Variants in NGF observed in about 807,000 individuals in gnomAD.
NGF encodes the protein nerve growth factor.
In NGF, 4 loss-of-function variants were observed where a neutral mutation model predicts 12.8. The ratio of observed to expected loss-of-function variants is 0.31; its 90% confidence interval spans 0.15 to 0.72. The LOEUF is 0.72. Among genes scored for constraint, NGF ranks in the 30% least tolerant of loss-of-function variants. The probability of loss-of-function intolerance (pLI) is 0.69; values close to 1 mark genes in which losing one functional copy is unlikely to be tolerated. For missense variants in NGF, 283 were observed against 330.8 expected, an observed-to-expected ratio of 0.86 and a Z score of 1.12; for synonymous variants, 140 against 130.0, an observed-to-expected ratio of 1.08 and a Z score of -0.52.
chr1:115,337,287 T>G lies in NGF; in HGVS notation c.-137+917A>C, dbSNP rs1265165023. On this transcript the variant is annotated intron_variant, in intron 1 of 2. Coordinates refer to ENST00000369512, the MANE Select transcript of NGF (RefSeq NM_002506.3). The stretch of plus-strand genomic sequence containing the variant: ...TTTTTGTTTTTTTTTTTTTTTTTTT[T>G]TTTTTTTTTTTTTTTTTTAGAAGGA... 3.6e-3 allele frequency among the ~76,000 whole-genome samples: 484 copies of G among 133,374 alleles called. 34 individuals carry two copies. In the East Asian group the frequency reaches 0.073, roughly 20 times the overall value. 87.5% of individuals were successfully genotyped at this position (133,374 alleles called of 152,430 possible).
intron 1 of NGF, among the ~76,000 whole-genome samples, chr1:115,318,095 TC>T (rs1157102986): frequency 6.6e-6 from 1 of 152,152 alleles, no homozygotes; most frequent in African/African-American, 2.4e-5. Context: ...TCTTGGGGCC[TC>T]CCTTCCATGG....
At chr1:115,286,903 C>T in intron 2 of NGF, 96 bp from the exon 3 acceptor site, 3 of 1,456,118 alleles carry the variant, frequency 2.1e-6, no homozygotes, top group South Asian at 1.1e-5. Context: ...CCAAGGGGAT[C>T]ACGAAGAGGT....
rs201152024 is a variant in NGF, at chr1:115,286,240, C to T, written c.556G>A (p.Asp186Asn). The T allele has an allele frequency of 6.2e-7, 1 of 1,614,178 alleles. No homozygotes were observed. Among genetic ancestry groups the T allele is most frequent in the East Asian group, 2.2e-5 (1 of 44,864 alleles). The change falls in exon 3 of 3, where the codon GAC becomes AAC. Residue 186 changes from aspartate to asparagine, a missense_variant. Coordinates refer to ENST00000369512, the MANE Select transcript of NGF (RefSeq NM_002506.3). ...GAGTCAATGCCCCGGCACCCGCTGT[C>T]AACGGGATTTGGGTCCCGGCACTTG... ...ETKCRDPNPV[D>N]SGCRGIDSKH...
chr1:115,290,050 A>G (rs1419714162), intron 2 of NGF, among the ~76,000 whole-genome samples: 1 of 151,980 alleles, frequency 6.6e-6, no homozygotes, highest in African/African-American at 2.4e-5. Flanking sequence ...GCCTGCTCTG[A>G]TCATATCACC....
rs545923167 is a variant in NGF at position 115,329,011 on chromosome 1, T to C, written c.-137+9193A>G. On this transcript the variant is annotated intron_variant, in intron 1 of 2. Transcript: ENST00000369512. ...AACATTGTCAATAGTTCTGATGAGG[T>C]TGAGTAGTTACAATGAAGATAAGAA... Among the ~76,000 whole-genome samples, 6 of 151,588 alleles carry C rather than the reference T, an allele frequency of 4.0e-5. No homozygotes were observed. The South Asian group carries it at 1.0e-3, about 26-fold the overall frequency.
chr1:115,302,923 T>C (rs566579491), intron 1 of NGF, among the ~76,000 whole-genome samples: 83 of 152,362 alleles, frequency 5.4e-4, no homozygotes, highest in African/African-American at 2.0e-3. Flanking sequence ...CATCTCCCTG[T>C]ATTGTGTCCC....
intron 1 of NGF, among the ~76,000 whole-genome samples, chr1:115,331,734 C>A (rs1283159804): frequency 6.6e-6 from 1 of 152,220 alleles, no homozygotes; most frequent in African/African-American, 2.4e-5. Context: ...CCAGCAATCT[C>A]TGGCCTCAGC....
intron 2 of NGF, among the ~76,000 whole-genome samples, chr1:115,288,488 G>A (rs1653588256): frequency 6.6e-6 from 1 of 152,120 alleles, no homozygotes. Flanking sequence ...TTTGTCTTTT[G>A]TGCTTTCTAC....
intron 1 of NGF, among the ~76,000 whole-genome samples, chr1:115,300,287 G>A (rs1477073653): frequency 6.6e-6 from 1 of 152,130 alleles, no homozygotes; most frequent in Non-Finnish European, 1.5e-5. Flanking sequence ...ACTGACACAG[G>A]GGATTCTAGT....
chr1:115,288,255 C>A (rs1653579100), intron 2 of NGF, among the ~76,000 whole-genome samples: 1 of 152,132 alleles, frequency 6.6e-6, no homozygotes, highest in African/African-American at 2.4e-5. Flanking sequence ...AGTGTAATGA[C>A]AAGAACTCTG....
chr1:115,286,759 G>A lies in NGF; in HGVS notation c.37C>T (p.Leu13=). ...TGTGGTTCCGCCTGTATGCCGATCAGAAAAGCTGTGATCAGAGTGTAGAAC... is the reference window on the plus strand; with the variant it reads ...TGTGGTTCCGCCTGTATGCCGATCAAAAAAGCTGTGATCAGAGTGTAGAAC... ...MLFYTLITAF[L]IGIQAEPHSE... is the part of the protein sequence containing the mutation. The change falls in exon 3 of 3, where the codon CTG becomes TTG. Residue 13 remains leucine, a synonymous_variant. Coordinates refer to ENST00000369512, the MANE Select transcript of NGF (RefSeq NM_002506.3). The A allele has an allele frequency of 2.5e-6, 4 of 1,614,190 alleles. No individual in the cohort carries two copies. The highest frequency in any genetic ancestry group is 3.4e-6 in the Non-Finnish European group (4 of 1,180,042).
In NGF at chr1:115,303,461, C is replaced by T. The variant is rs373236790; in HGVS notation, c.-136-9711G>A. 7.8e-4 allele frequency among the ~76,000 whole-genome samples: 118 copies of T among 152,050 alleles called. No homozygotes were observed. In the South Asian group the frequency reaches 0.024, roughly 31 times the overall value. On this transcript the variant is annotated intron_variant, in intron 1 of 2. Transcript: ENST00000369512. ...TCCTCCAACACCATCATCACCACTA[C>T]TTTCTCCATCACCATCATCACCACT...
intron 1 of NGF, among the ~76,000 whole-genome samples, chr1:115,300,019 C>T (rs1372841472): frequency 2.6e-5 from 4 of 152,174 alleles, no homozygotes; most frequent in Middle Eastern, 3.2e-3. Flanking sequence ...GGATTGAACA[C>T]GTGAAAGAAA....
At chr1:115,305,106 AAT>A (rs1375895282) in intron 1 of NGF, among the ~76,000 whole-genome samples, 4 of 152,202 alleles carry the variant, frequency 2.6e-5, no homozygotes, top group Non-Finnish European at 4.4e-5. Context: ...TGTGTGTTAA[AAT>A]ATGTTAATTA....
At chr1:115,304,306 G>A (rs571921528) in intron 1 of NGF, among the ~76,000 whole-genome samples, 1 of 134,528 alleles carries the variant, frequency 7.4e-6, no homozygotes, top group East Asian at 2.3e-4. Flanking sequence ...GGGATTACAG[G>A]AGCGCACCAC....
At position 115,314,611 on chromosome 1, in the gene NGF, A is replaced by G. The variant is rs368776128; in HGVS notation, c.-136-20861T>C. On this transcript the variant is annotated intron_variant, in intron 1 of 2. Coordinates refer to ENST00000369512, the MANE Select transcript of NGF (RefSeq NM_002506.3). ...CTGGAACTGCAGGAATTACAGATGAATAAGACCTGCCTAGTAGGGGTTAAT... is the reference window on the plus strand; with the variant it reads ...CTGGAACTGCAGGAATTACAGATGAGTAAGACCTGCCTAGTAGGGGTTAAT... 3.9e-5 allele frequency among the ~76,000 whole-genome samples: 6 copies of G among 152,230 alleles called. No individual in the cohort carries two copies. In the East Asian group the frequency reaches 5.8e-4, roughly 15 times the overall value.
intron 1 of NGF, among the ~76,000 whole-genome samples, chr1:115,324,680 G>A (rs1330477498): frequency 1.3e-5 from 2 of 152,148 alleles, no homozygotes; most frequent in African/African-American, 4.8e-5. Context: ...ATGCTTGAGA[G>A]GAAGCCCTTC....
chr1:115,298,394 G>A (rs1653935537), intron 1 of NGF, among the ~76,000 whole-genome samples: 1 of 152,078 alleles, frequency 6.6e-6, no homozygotes, highest in Non-Finnish European at 1.5e-5. Context: ...TTCCCATTGT[G>A]GACAGACTCC....
chr1:115,297,521 A>C (rs369588193), intron 1 of NGF, among the ~76,000 whole-genome samples: 4 of 152,292 alleles, frequency 2.6e-5, no homozygotes, highest in South Asian at 2.1e-4. Flanking sequence ...CCTGAGGTTA[A>C]TCAATAATAT....
Sources: gnomAD v4.1 joint callset for allele counts (sites outside exome capture counted in the v4.1 genomes callset) on GRCh38, gnomAD v4.1.1 for gene constraint, MANE v1.5 for transcripts, NCBI Gene and HGNC (gene_info 2026-07-23, HGNC 2026-07-21) for gene names.